CCDC85A: variants seen among roughly 807,000 people sequenced by gnomAD.
CCDC85A encodes the protein coiled-coil domain containing 85A.
Under a neutral mutation model 50.2 loss-of-function variants are expected in CCDC85A, and 38 were observed. The observed-to-expected ratio is 0.76, with a 90% CI of 0.58 to 0.99. The LOEUF (loss-of-function observed/expected upper bound fraction) is 0.99, where lower values mean the gene tolerates loss of function less well. Ranked by LOEUF, CCDC85A falls within the 50% of genes least tolerant of loss-of-function variation. The pLI, the probability that CCDC85A is intolerant of heterozygous loss-of-function variation, is 0.00. For missense variants in CCDC85A, 820 were observed against 742.0 expected (o/e 1.11, Z -1.22); for synonymous variants, 366 against 301.4 (o/e 1.21, Z -2.22).
chr2:56,231,132 C>A (rs915988302), intron 2 of CCDC85A, among the ~76,000 whole-genome samples: 4 of 152,154 alleles, frequency 2.6e-5, no homozygotes, highest in Non-Finnish European at 1.5e-5. Flanking sequence ...TCTGTAGGAT[C>A]TGATGATATG....
chr2:56,272,055 G>T (rs555248649), intron 2 of CCDC85A, among the ~76,000 whole-genome samples: 2 of 152,256 alleles, frequency 1.3e-5, no homozygotes, highest in African/African-American at 4.8e-5. Context: ...GTGAGACTAA[G>T]AAGATGGTAA....
chr2:56,206,632 A>T (rs1676971974), intron 2 of CCDC85A, among the ~76,000 whole-genome samples: 2 of 152,140 alleles, frequency 1.3e-5, no homozygotes, highest in Non-Finnish European at 2.9e-5. Context: ...TAATCCATTC[A>T]TGAAGGCAGA....
intron 2 of CCDC85A, among the ~76,000 whole-genome samples, chr2:56,339,941 G>C (rs1337049353): frequency 1.3e-5 from 2 of 152,176 alleles, no homozygotes; most frequent in African/African-American, 4.8e-5. Flanking sequence ...AGAGTTTTAA[G>C]ATTTTATTAA....
intron 2 of CCDC85A, among the ~76,000 whole-genome samples, chr2:56,254,493 A>G (rs1250530675): frequency 6.6e-6 from 1 of 152,184 alleles, no homozygotes; most frequent in Non-Finnish European, 1.5e-5. Context: ...TTCACCAAGC[A>G]CTGTGTTAGA....
At position 56,202,769 on chromosome 2, in the gene CCDC85A, G is replaced by A. The variant is rs542768904; in HGVS notation, c.1240+9329G>A. ...ATTTTTGTTCATAGCAGCCTGGGCT[G>A]TTGAACCACTCTTGAGAATTCAAAT... On this transcript the variant is annotated intron_variant, in intron 2 of 5. Coordinates refer to ENST00000407595, the MANE Select transcript of CCDC85A (RefSeq NM_001080433.2). Among the ~76,000 whole-genome samples the A allele has an allele frequency of 1.7e-3, 258 of 152,338 alleles. 2 individuals carry two copies. Among genetic ancestry groups the A allele is most frequent in the Non-Finnish European group, 2.6e-3 (176 of 68,032 alleles).
At chr2:56,321,616 CA>C (rs1175118636) in intron 2 of CCDC85A, among the ~76,000 whole-genome samples, 2 of 152,174 alleles carry the variant, frequency 1.3e-5, no homozygotes, top group Non-Finnish European at 2.9e-5. Context: ...AGGAGAACTA[CA>C]AACCACTGTG....
chr2:56,375,197 G>T (rs1475877285), intron 4 of CCDC85A, among the ~76,000 whole-genome samples: 1 of 152,140 alleles, frequency 6.6e-6, no homozygotes, highest in African/African-American at 2.4e-5. Context: ...TCATGTACAG[G>T]TTCTAGTTTC....
chr2:56,351,724 T>C (rs1674953502), intron 3 of CCDC85A, among the ~76,000 whole-genome samples: 1 of 150,168 alleles, frequency 6.7e-6, no homozygotes, highest in African/African-American at 2.5e-5. Context: ...GTCAATTTGT[T>C]TGAGTTCATT....
intron 3 of CCDC85A, among the ~76,000 whole-genome samples, chr2:56,361,244 A>C (rs543989311): frequency 1.4e-5 from 2 of 139,102 alleles, no homozygotes; most frequent in African/African-American, 5.2e-5. Context: ...ACAGAGCAAG[A>C]CTCCGTCTCA....
intron 3 of CCDC85A, among the ~76,000 whole-genome samples, chr2:56,371,963 T>C (rs1363617875): frequency 6.6e-6 from 1 of 152,184 alleles, no homozygotes; most frequent in Non-Finnish European, 1.5e-5. Flanking sequence ...ATAACTTTTG[T>C]TAAGTTCTGA....
chr2:56,371,726 A>G (rs1410147308), intron 3 of CCDC85A, among the ~76,000 whole-genome samples: 3 of 152,052 alleles, frequency 2.0e-5, no homozygotes, highest in Non-Finnish European at 4.4e-5. Context: ...TAAATACATA[A>G]AAATTTAGTT....
At chr2:56,225,492 T>C (rs2103919914) in intron 2 of CCDC85A, among the ~76,000 whole-genome samples, 1 of 152,302 alleles carries the variant, frequency 6.6e-6, no homozygotes, top group Middle Eastern at 3.4e-3. Context: ...TTCATTGACC[T>C]ATATGCCTCT....
At position 56,254,608 on chromosome 2, in the gene CCDC85A, C is replaced by T. The variant is rs186903001; in HGVS notation, c.1240+61168C>T. 5.4e-4 allele frequency among the ~76,000 whole-genome samples: 82 copies of T among 152,224 alleles called. No homozygotes were observed. The East Asian group carries it at 7.3e-3, about 14-fold the overall frequency. Reference sequence around the variant, plus strand: ...TGGGTTTTAATGGTGAACTAAAATACGCATGGTGTCCCTGATCTCATGGAG... The same window carrying T: ...TGGGTTTTAATGGTGAACTAAAATATGCATGGTGTCCCTGATCTCATGGAG... On this transcript the variant is annotated intron_variant, in intron 2 of 5. Transcript: ENST00000407595.
chr2:56,326,759 C>G (rs945832195), intron 2 of CCDC85A, among the ~76,000 whole-genome samples: 1 of 151,990 alleles, frequency 6.6e-6, no homozygotes, highest in Non-Finnish European at 1.5e-5. Context: ...AACTTTTTGA[C>G]TGTTTTTCTG....
At chr2:56,278,781 C>G (rs528487665) in intron 2 of CCDC85A, among the ~76,000 whole-genome samples, 1 of 152,262 alleles carries the variant, frequency 6.6e-6, no homozygotes, top group South Asian at 2.1e-4. Context: ...CCATGTTGGC[C>G]AGGCTGGTCA....
At chr2:56,326,054 G>A (rs1251797352) in intron 2 of CCDC85A, among the ~76,000 whole-genome samples, 3 of 152,036 alleles carry the variant, frequency 2.0e-5, no homozygotes, top group African/African-American at 7.2e-5. Context: ...ACTTGGTGCC[G>A]ATCAAATTCT....
At chr2:56,261,416 T>G (rs962285356) in intron 2 of CCDC85A, among the ~76,000 whole-genome samples, 3 of 152,186 alleles carry the variant, frequency 2.0e-5, no homozygotes, top group African/African-American at 7.2e-5. Context: ...ACTCAAACGT[T>G]TATCAGTTAA....
At chr2:56,234,634 T>C (rs935100585) in intron 2 of CCDC85A, among the ~76,000 whole-genome samples, 7 of 152,188 alleles carry the variant, frequency 4.6e-5, no homozygotes, top group Non-Finnish European at 1.0e-4. Flanking sequence ...TAATTATTTA[T>C]CCTACCTTTT....
At chr2:56,357,876 G>A (rs1391221089) in intron 3 of CCDC85A, among the ~76,000 whole-genome samples, 2 of 152,112 alleles carry the variant, frequency 1.3e-5, no homozygotes, top group Admixed American at 1.3e-4. Context: ...CTTTGTTTCT[G>A]TCTCAAGCAC....
Sources: gnomAD v4.1 joint callset for allele counts (sites outside exome capture counted in the v4.1 genomes callset) on GRCh38, gnomAD v4.1.1 for gene constraint, MANE v1.5 for transcripts, NCBI Gene and HGNC (gene_info 2026-07-23, HGNC 2026-07-21) for gene names.